Variants in CAPZB observed in about 807,000 individuals in gnomAD.
The protein encoded by CAPZB is F-actin-capping protein subunit beta.
Under a neutral mutation model 38.1 loss-of-function variants are expected in CAPZB, and 2 were observed. The observed-to-expected ratio is 0.05, with a 90% CI of 0.02 to 0.17. CAPZB has a LOEUF of 0.17. Among genes scored for constraint, CAPZB ranks in the 10% least tolerant of loss-of-function variants. The pLI, the probability that CAPZB is intolerant of heterozygous loss-of-function variation, is 1.00. For synonymous variants in CAPZB, 107 were observed against 127.4 expected (o/e 0.84, Z 1.08); for missense variants, 161 against 334.2 (o/e 0.48, Z 4.04).
At chr1:19,342,964 C>A in intron 8 of CAPZB, 1 of 770,550 alleles carries the variant, frequency 1.3e-6, no homozygotes, top group East Asian at 2.5e-5. Context: ...CAGGGAGACC[C>A]ACGAGGCGGA....
rs773214013 is a variant in CAPZB at position 19,419,667 on chromosome 1, G to A, written c.87C>T (p.Ile29=). ...QQIEKNLSDL[I]DLVPSLCEDL... ...ATATGAAGGAGGCACGTACCAGGTC[G>A]ATCAGGTCGCTGAGGTTTTTCTCGA... Residue 29 remains isoleucine, a synonymous_variant, in exon 2 of 9, where the codon ATC becomes ATT. Transcript: ENST00000264202. The A allele has an allele frequency of 2.8e-5, 45 of 1,584,490 alleles. No homozygotes were observed. The highest frequency in any genetic ancestry group is 4.6e-5 in the South Asian group (4 of 87,442).
At chr1:19,396,568 A>AG (rs1309534705) in intron 2 of CAPZB, among the ~76,000 whole-genome samples, 6 of 152,154 alleles carry the variant, frequency 3.9e-5, no homozygotes, top group African/African-American at 1.4e-4. Flanking sequence ...CCCAGCATGA[A>AG]GGCAAGCACG....
At chr1:19,449,138 A>G (rs2094506161) in intron 1 of CAPZB, 4 of 1,396,708 alleles carry the variant, frequency 2.9e-6, no homozygotes, top group African/African-American at 1.4e-5. Flanking sequence ...TCCTGACCGT[A>G]GAGTCTCTGT....
intron 1 of CAPZB, among the ~76,000 whole-genome samples, chr1:19,426,134 A>G (rs1345175828): frequency 6.6e-6 from 1 of 152,220 alleles, no homozygotes; most frequent in Non-Finnish European, 1.5e-5. Context: ...CAAGAGCCAG[A>G]TCACACCCAA....
chr1:19,469,271 T>G (rs556522578), intron 1 of CAPZB, among the ~76,000 whole-genome samples: 5 of 152,178 alleles, frequency 3.3e-5, no homozygotes, highest in Non-Finnish European at 2.9e-5. Flanking sequence ...GCTCTACAGA[T>G]GAACATCTTT....
At chr1:19,471,603 A>G (rs140486422) in intron 1 of CAPZB, among the ~76,000 whole-genome samples, 6,760 of 151,958 alleles carry the variant, frequency 0.044, 510 homozygotes, top group African/African-American at 0.15. Context: ...TGTGGCTCAC[A>G]CCTGTAATCC....
At chr1:19,368,532 G>A (rs181868038) in intron 4 of CAPZB, among the ~76,000 whole-genome samples, 4 of 148,994 alleles carry the variant, frequency 2.7e-5, no homozygotes, top group Admixed American at 1.3e-4. Flanking sequence ...GAGAGTCCGA[G>A]TTAAAAAAGG....
chr1:19,407,741 G>A lies in CAPZB; in HGVS notation c.93+11920C>T, dbSNP rs2094338976. On this transcript the variant is annotated intron_variant, in intron 2 of 8. Transcript: ENST00000264202. ...GACCATCCAGCCACGCTCTTGTCTA[G>A]CTTTCTCTCCCAGGGCTTCCGAAGA... is the stretch of plus-strand genomic sequence containing the variant. Among the ~76,000 whole-genome samples the A allele has an allele frequency of 2.6e-5, 4 of 152,272 alleles. No individual in the cohort carries two copies. In the South Asian group the frequency reaches 8.3e-4, roughly 32 times the overall value.
intron 2 of CAPZB, among the ~76,000 whole-genome samples, chr1:19,395,916 G>A (rs1250778023): frequency 6.6e-6 from 1 of 152,210 alleles, no homozygotes; most frequent in East Asian, 1.9e-4. Context: ...ACAGCCAGGC[G>A]ATGGCCTCAG....
chr1:19,399,845 G>A (rs2094293461), intron 2 of CAPZB, among the ~76,000 whole-genome samples: 1 of 152,172 alleles, frequency 6.6e-6, no homozygotes, highest in African/African-American at 2.4e-5. Flanking sequence ...CATAGTTCAA[G>A]ACTTGAGAGT....
intron 1 of CAPZB, among the ~76,000 whole-genome samples, chr1:19,462,539 G>A (rs1290468124): frequency 2.0e-5 from 3 of 152,196 alleles, no homozygotes; most frequent in Non-Finnish European, 2.9e-5. Context: ...CCCAAGGAGG[G>A]TAAGCATGTT....
chr1:19,354,583 G>A (rs2094010026), intron 6 of CAPZB, among the ~76,000 whole-genome samples: 2 of 152,228 alleles, frequency 1.3e-5, no homozygotes, highest in Non-Finnish European at 1.5e-5. Context: ...AAAGTCCGAA[G>A]CCCTGGCCAA....
rs923565834 is a variant in CAPZB, at chr1:19,379,085, T to A, written c.216-432A>T. On this transcript the variant is annotated intron_variant, in intron 3 of 8. Transcript: ENST00000264202. ...CTTTCTCAGTTTTGTGTTCACCACC[T>A]ATTTTTTTTTCTTTCTTTTTTTTTT... Among the ~76,000 whole-genome samples, 9 of 142,814 alleles carry A rather than the reference T, an allele frequency of 6.3e-5. No homozygotes were observed. In the East Asian group the frequency reaches 1.2e-3, roughly 19 times the overall value. The allele number at this position is 142,814 out of a possible 152,430, so 93.7% of individuals were successfully genotyped here.
chr1:19,485,457 G>C lies in CAPZB; in HGVS notation c.-19C>G. 8.1e-7 allele frequency: 1 copy of C among 1,230,516 alleles called. No homozygotes were observed. Among genetic ancestry groups the C allele is most frequent in the Non-Finnish European group, 1.0e-6 (1 of 987,508 alleles). 76.2% of individuals were successfully genotyped at this position (1,230,516 alleles called of 1,614,324 possible). A position where few individuals can be genotyped will look rare whatever the true frequency, so the allele number is the denominator to read the frequency against. ...TTACCATGGTGGCGGCGGCGGCGGC[G>C]GTCCCGGTCCCGGCGTCAGTGGCTC... is the stretch of plus-strand genomic sequence containing the variant. On this transcript the variant is annotated 5_prime_UTR_variant, in exon 1 of 9. Coordinates refer to ENST00000264202, the MANE Select transcript of CAPZB (RefSeq NM_004930.5).
intron 1 of CAPZB, chr1:19,484,756 G>A: frequency 9.7e-7 from 1 of 1,029,916 alleles, no homozygotes; most frequent in Non-Finnish European, 1.2e-6. Context: ...GGTTACGCTA[G>A]GAGTGGCGAA....
chr1:19,473,605 T>C (rs2094597024), intron 1 of CAPZB, among the ~76,000 whole-genome samples: 1 of 152,238 alleles, frequency 6.6e-6, no homozygotes, highest in Admixed American at 6.5e-5. Context: ...GGCTCACACC[T>C]GTAATCCCAG....
intron 6 of CAPZB, among the ~76,000 whole-genome samples, chr1:19,347,981 C>A (rs566699770): frequency 6.6e-6 from 1 of 152,346 alleles, no homozygotes; most frequent in South Asian, 2.1e-4. Flanking sequence ...AAATGGGGAA[C>A]TGCTGACTTG....
At position 19,348,730 on chromosome 1, in the gene CAPZB, G is replaced by A. The variant is rs1326653368; in HGVS notation, c.589-3478C>T. 5.7e-5 allele frequency among the ~76,000 whole-genome samples: 8 copies of A among 140,820 alleles called. 1 individual carries two copies. In the South Asian group the frequency reaches 1.8e-3, roughly 31 times the overall value. 92.4% of individuals were successfully genotyped at this position (140,820 alleles called of 152,430 possible). A position where few individuals can be genotyped will look rare whatever the true frequency, so the allele number is the denominator to read the frequency against. On this transcript the variant is annotated intron_variant, in intron 6 of 8. Coordinates refer to ENST00000264202, the MANE Select transcript of CAPZB (RefSeq NM_004930.5). ...AAGCAATGTGGTCTGGGAGACCGAC[G>A]GGTCTGAGAAAACGGGTGGCATCTG...
chr1:19,376,238 C>G (rs1343797151), intron 4 of CAPZB, among the ~76,000 whole-genome samples: 1 of 152,182 alleles, frequency 6.6e-6, no homozygotes, highest in Non-Finnish European at 1.5e-5. Context: ...GCAACTTCCT[C>G]AGGCTTAGGG....
Sources: allele counts gnomAD v4.1 joint callset (sites outside exome capture counted in the v4.1 genomes callset), GRCh38; gene constraint gnomAD v4.1.1; transcripts MANE v1.5; gene names NCBI Gene and HGNC (gene_info 2026-07-23, HGNC 2026-07-21).